The following PRKN variants were observed in gnomAD, a reference collection of about 807,000 sequenced individuals.
PRKN encodes the protein E3 ubiquitin-protein ligase parkin.
Under a neutral mutation model 59.5 loss-of-function variants are expected in PRKN, and 56 were observed. The observed-to-expected ratio is 0.94, with a 90% CI of 0.76 to 1.18. The LOEUF (loss-of-function observed/expected upper bound fraction) is 1.18. Ranked by LOEUF, PRKN falls within the 50% of genes most tolerant of loss-of-function variation. PRKN has a pLI of 0.00. For missense variants in PRKN, 657 were observed against 596.4 expected (o/e 1.10, Z -1.06); for synonymous variants, 250 against 222.1 (o/e 1.13, Z -1.12).
At chr6:162,341,618 G>A (rs1242828038) in intron 2 of PRKN, among the ~76,000 whole-genome samples, 3 of 152,096 alleles carry the variant, frequency 2.0e-5, no homozygotes, top group African/African-American at 7.2e-5. Flanking sequence ...GGACATGGAT[G>A]AAGGTGGAAA....
intron 1 of PRKN, among the ~76,000 whole-genome samples, chr6:162,518,907 T>C (rs1197974347): frequency 6.6e-6 from 1 of 152,210 alleles, no homozygotes; most frequent in Non-Finnish European, 1.5e-5. Flanking sequence ...ACTTACGTTA[T>C]TTCATGTTTT....
At position 161,531,219 on chromosome 6, in the gene PRKN, A is replaced by C. The variant is rs2115384055; in HGVS notation, c.1083+17635T>G. The stretch of plus-strand genomic sequence containing the variant: ...ACATGGTGAAACCCCGTCTCTACTA[A>C]AAATACAAAAAATTAGCCGGGTATG... On this transcript the variant is annotated intron_variant, in intron 9 of 11. Coordinates refer to ENST00000366898, the MANE Select transcript of PRKN (RefSeq NM_004562.3). Among the ~76,000 whole-genome samples, 3 of 151,970 alleles carry C rather than the reference A, an allele frequency of 2.0e-5. No homozygotes were observed. In the South Asian group the frequency reaches 6.3e-4, roughly 32 times the overall value.
At chr6:162,270,408 T>A (rs1780322221) in intron 2 of PRKN, 1 of 152,148 alleles carries the variant, frequency 6.6e-6, no homozygotes, top group Non-Finnish European at 1.5e-5. Flanking sequence ...ACATATATGG[T>A]GCAGTAGGTA....
At chr6:161,750,118 T>TATATATATATATAC (rs1269147499) in intron 7 of PRKN, among the ~76,000 whole-genome samples, 3 of 137,740 alleles carry the variant, frequency 2.2e-5, no homozygotes, top group Admixed American at 7.3e-5. Context: ...TATATATATA[T>TATATATATATATAC]ACACACACAC....
At chr6:162,605,320 C>T (rs1234733398) in intron 1 of PRKN, among the ~76,000 whole-genome samples, 1 of 152,074 alleles carries the variant, frequency 6.6e-6, no homozygotes. Flanking sequence ...TACCCCAAAA[C>T]CCAAGAGAAA....
At chr6:162,692,570 A>AT (rs1554262667) in intron 1 of PRKN, among the ~76,000 whole-genome samples, 8 of 150,110 alleles carry the variant, frequency 5.3e-5, no homozygotes, top group Non-Finnish European at 1.2e-4. Context: ...TACAAGACAG[A>AT]CCCCCCCCAA....
intron 1 of PRKN, among the ~76,000 whole-genome samples, chr6:162,661,081 G>A (rs1778857025): frequency 2.0e-5 from 3 of 152,090 alleles, no homozygotes; most frequent in South Asian, 4.2e-4. Context: ...GACCAACATG[G>A]AGAAACCCCG....
At chr6:162,187,190 G>A (rs1363821196) in intron 4 of PRKN, among the ~76,000 whole-genome samples, 2 of 152,128 alleles carry the variant, frequency 1.3e-5, no homozygotes, top group African/African-American at 2.4e-5. Flanking sequence ...GAGAAAATCG[G>A]GGTGGATAAC....
chr6:161,833,474 T>C (rs542776830), intron 6 of PRKN, among the ~76,000 whole-genome samples: 4 of 152,342 alleles, frequency 2.6e-5, no homozygotes, highest in Admixed American at 6.5e-5. Context: ...TGTCTCTAGC[T>C]ATAACCTGAT....
At chr6:161,977,559 T>G (rs988823217) in intron 5 of PRKN, among the ~76,000 whole-genome samples, 1 of 148,692 alleles carries the variant, frequency 6.7e-6, no homozygotes, top group African/African-American at 2.5e-5. Context: ...TTTTTTTTTT[T>G]TTTTTTAAGA....
At chr6:161,886,528 C>T (rs1348291166) in intron 6 of PRKN, among the ~76,000 whole-genome samples, 3 of 151,986 alleles carry the variant, frequency 2.0e-5, no homozygotes, top group Non-Finnish European at 2.9e-5. Context: ...GAAACCCCGT[C>T]TCTACTAACA....
intron 1 of PRKN, among the ~76,000 whole-genome samples, chr6:162,500,172 CT>C (rs36107785): frequency 0.3 from 40,118 of 133,782 alleles, 5,754 homozygotes; most frequent in East Asian, 0.44. Context: ...CTCTTTTCTT[CT>C]TTTTTTTTTT....
chr6:161,757,962 AATAT>A (rs140547354), intron 7 of PRKN, among the ~76,000 whole-genome samples: 1 of 134,166 alleles, frequency 7.5e-6, no homozygotes, highest in Non-Finnish European at 1.6e-5. Flanking sequence ...TATACAGTTA[AATAT>A]ATATATATAT....
intron 7 of PRKN, among the ~76,000 whole-genome samples, chr6:161,739,008 A>C (rs925844972): frequency 6.6e-6 from 1 of 152,202 alleles, no homozygotes; most frequent in African/African-American, 2.4e-5. Context: ...CAAAGCCCCT[A>C]CTGGAAATAA....
chr6:161,593,009 T>C lies in PRKN; in HGVS notation c.872-23593A>G, dbSNP rs1460568105. On this transcript the variant is annotated intron_variant, in intron 7 of 11. Coordinates refer to ENST00000366898, the MANE Select transcript of PRKN (RefSeq NM_004562.3). The surrounding 1 kb of genome is among the most constrained non-coding windows in gnomAD (Gnocchi z 4.8). ...GAAGGCATTCTACATTATAATAATG[T>C]GAGATTTACAGAAGAGTTGTAACGA... Among the ~76,000 whole-genome samples the C allele has an allele frequency of 1.3e-5, 2 of 152,194 alleles. No individual in the cohort carries two copies. Among genetic ancestry groups the C allele is most frequent in the Non-Finnish European group, 2.9e-5 (2 of 68,022 alleles).
rs575254421 is a variant in PRKN, at chr6:161,498,009, T to C, written c.1083+50845A>G. On this transcript the variant is annotated intron_variant, in intron 9 of 11. Coordinates refer to ENST00000366898, the MANE Select transcript of PRKN (RefSeq NM_004562.3). This position sits in a 1 kb window ranked among gnomAD's most constrained non-coding sequence, Gnocchi z 4.2. The stretch of plus-strand genomic sequence containing the variant: ...GGAAACCTTTGCTTCCATGAGGGGA[T>C]ATTTGTTCTTCAATAGATGGGTCTA... Among the ~76,000 whole-genome samples, 40 of 152,328 alleles carry C rather than the reference T, an allele frequency of 2.6e-4. No individual in the cohort carries two copies. The East Asian group carries it at 7.1e-3, about 27-fold the overall frequency.
intron 1 of PRKN, among the ~76,000 whole-genome samples, chr6:162,505,468 G>C (rs902156043): frequency 1.3e-5 from 2 of 152,128 alleles, no homozygotes; most frequent in African/African-American, 4.8e-5. Flanking sequence ...CCACTCAAGA[G>C]CTACTGAATC....
At chr6:161,762,559 C>T (rs961662520) in intron 7 of PRKN, among the ~76,000 whole-genome samples, 2 of 152,166 alleles carry the variant, frequency 1.3e-5, no homozygotes, top group Non-Finnish European at 2.9e-5. Context: ...ATCCACTGAA[C>T]GTATTTACAT....
intron 1 of PRKN, among the ~76,000 whole-genome samples, chr6:162,616,902 GTATT>G (rs1184657330): frequency 5.3e-5 from 8 of 152,168 alleles, no homozygotes; most frequent in African/African-American, 1.4e-4. Context: ...TAAAAACAAA[GTATT>G]TATTCCACAG....
Sources: allele counts gnomAD v4.1 joint callset (sites outside exome capture counted in the v4.1 genomes callset), GRCh38; gene constraint gnomAD v4.1.1; non-coding constraint Gnocchi (gnomAD v3.1); transcripts MANE v1.5; gene names NCBI Gene and HGNC (gene_info 2026-07-23, HGNC 2026-07-21).